THSD7B: variants seen among roughly 807,000 people sequenced by gnomAD.
The protein encoded by THSD7B is thrombospondin type 1 domain containing 7B, also known as thrombospondin type-1 domain-containing protein 7B.
Under a neutral mutation model 213.6 loss-of-function variants are expected in THSD7B, and 138 were observed. The observed-to-expected ratio is 0.65, with a 90% CI of 0.56 to 0.74. The LOEUF (loss-of-function observed/expected upper bound fraction) is 0.74. THSD7B is among the 30% of genes least tolerant of loss of function. The pLI, the probability that THSD7B is intolerant of heterozygous loss-of-function variation, is 0.00. For missense variants in THSD7B, 1,931 were observed against 1,991.5 expected (o/e 0.97, Z 0.58); for synonymous variants, 742 against 687.0 (o/e 1.08, Z -1.25).
intron 12 of THSD7B, among the ~76,000 whole-genome samples, chr2:137,372,217 G>A (rs1327704495): frequency 6.6e-6 from 1 of 151,224 alleles, no homozygotes; most frequent in Non-Finnish European, 1.5e-5. Context: ...TCTGGAAGCT[G>A]AGTTAGGGAA....
intron 2 of THSD7B, among the ~76,000 whole-genome samples, chr2:136,995,727 C>G (rs1024239299): frequency 1.3e-5 from 2 of 152,114 alleles, no homozygotes; most frequent in African/African-American, 4.8e-5. Context: ...CTCACCCAGA[C>G]CTCACCTAAC....
At chr2:137,137,418 T>C (rs1679487473) in intron 5 of THSD7B, among the ~76,000 whole-genome samples, 1 of 152,206 alleles carries the variant, frequency 6.6e-6, no homozygotes, top group African/African-American at 2.4e-5. Flanking sequence ...CATGTTTCGG[T>C]CAATGACAAA....
intron 12 of THSD7B, among the ~76,000 whole-genome samples, chr2:137,277,352 A>G (rs1682898898): frequency 6.6e-6 from 1 of 152,100 alleles, no homozygotes; most frequent in Admixed American, 6.6e-5. Context: ...ATAGTCCTTT[A>G]GATTAGGCAA....
chr2:136,999,751 C>CA (rs199759825), intron 2 of THSD7B, among the ~76,000 whole-genome samples: 35 of 152,066 alleles, frequency 2.3e-4, no homozygotes, highest in African/African-American at 8.2e-4. Context: ...ATTGCACCCC[C>CA]CTTAATGTCT....
At chr2:137,331,169 C>T (rs937113023) in intron 12 of THSD7B, among the ~76,000 whole-genome samples, 1 of 139,282 alleles carries the variant, frequency 7.2e-6, no homozygotes, top group African/African-American at 3.3e-5. Flanking sequence ...AAGGCCCCAC[C>T]AGAGCAGCTA....
intron 12 of THSD7B, among the ~76,000 whole-genome samples, chr2:137,368,394 C>T (rs1252118621): frequency 2.6e-5 from 4 of 151,702 alleles, no homozygotes; most frequent in Admixed American, 2.6e-4. Context: ...TTATCTTAGG[C>T]ATTTTTTTCA....
chr2:136,917,182 T>C (rs1433118324), intron 2 of THSD7B, among the ~76,000 whole-genome samples: 1 of 152,172 alleles, frequency 6.6e-6, no homozygotes, highest in African/African-American at 2.4e-5. Context: ...TAAGTTATCC[T>C]CCCCGCATCC....
chr2:137,286,781 A>G (rs188698862), intron 12 of THSD7B, among the ~76,000 whole-genome samples: 207 of 152,274 alleles, frequency 1.4e-3, no homozygotes, highest in African/African-American at 4.5e-3. Flanking sequence ...GACAAAAATG[A>G]GCTACCTTAT....
At position 136,860,016 on chromosome 2, in the gene THSD7B, ATTTTT is replaced by A. The variant is rs3084113; in HGVS notation, c.-35-22113_-35-22109del. Among the ~76,000 whole-genome samples, 17 of 120,478 alleles carry A rather than the reference ATTTTT, an allele frequency of 1.4e-4. No homozygotes were observed. In the East Asian group the frequency reaches 4.5e-3, roughly 32 times the overall value. The allele number at this position is 120,478 out of a possible 152,430, so 79.0% of individuals were successfully genotyped here. ...AGTAGATTCGAGAAAACAATTCATG[ATTTTT>A]TTTTTTTTTTTTTTGAGATGGAGTC... On this transcript the variant is annotated intron_variant, in intron 1 of 27. Coordinates refer to ENST00000409968, the MANE Select transcript of THSD7B (RefSeq NM_001316349.2).
At chr2:137,151,321 T>C (rs1679814630) in intron 5 of THSD7B, among the ~76,000 whole-genome samples, 1 of 152,302 alleles carries the variant, frequency 6.6e-6, no homozygotes, top group Non-Finnish European at 1.5e-5. Context: ...TTTTTATTTT[T>C]TGTTTTATAC....
intron 14 of THSD7B, among the ~76,000 whole-genome samples, chr2:137,425,543 G>T: frequency 6.6e-6 from 1 of 152,180 alleles, no homozygotes; most frequent in East Asian, 1.9e-4. Flanking sequence ...ATATATGGAA[G>T]GATATATGTA....
chr2:137,082,546 A>G (rs1366369044), intron 3 of THSD7B, among the ~76,000 whole-genome samples: 1 of 152,138 alleles, frequency 6.6e-6, no homozygotes, highest in Non-Finnish European at 1.5e-5. Context: ...TTAACTTTAA[A>G]CATAATTTCG....
At chr2:136,794,441 T>A (rs941771773) in intron 1 of THSD7B, among the ~76,000 whole-genome samples, 4 of 151,880 alleles carry the variant, frequency 2.6e-5, no homozygotes, top group Non-Finnish European at 5.9e-5. Context: ...TAATTTCATT[T>A]TTTTTCCTAT....
intron 15 of THSD7B, among the ~76,000 whole-genome samples, chr2:137,518,126 G>A (rs1573679996): frequency 1.3e-5 from 2 of 152,142 alleles, no homozygotes; most frequent in Non-Finnish European, 2.9e-5. Context: ...AGTTACATGA[G>A]GAAGTGGCTG....
At chr2:137,582,920 C>A (rs1033927352) in intron 17 of THSD7B, among the ~76,000 whole-genome samples, 2 of 152,338 alleles carry the variant, frequency 1.3e-5, no homozygotes. Flanking sequence ...ACCACACTCT[C>A]TTCCATAATG....
chr2:137,496,022 G>GGTCTT (rs1679554390), intron 15 of THSD7B, among the ~76,000 whole-genome samples: 1 of 151,890 alleles, frequency 6.6e-6, no homozygotes, highest in Non-Finnish European at 1.5e-5. Flanking sequence ...AATTATTGGG[G>GGTCTT]TATCTGTTTT....
At chr2:137,669,950 T>C (rs1393473490) in intron 27 of THSD7B, among the ~76,000 whole-genome samples, 3 of 152,204 alleles carry the variant, frequency 2.0e-5, no homozygotes, top group Non-Finnish European at 2.9e-5. Context: ...AGGTACATCA[T>C]TGAATTCTGT....
At chr2:137,443,031 G>T (rs1056660603) in intron 14 of THSD7B, among the ~76,000 whole-genome samples, 1 of 152,122 alleles carries the variant, frequency 6.6e-6, no homozygotes, top group African/African-American at 2.4e-5. Flanking sequence ...GCACTTATTT[G>T]CAGTAATGGG....
chr2:137,137,054 A>C (rs2104959948), intron 5 of THSD7B, among the ~76,000 whole-genome samples: 1 of 152,298 alleles, frequency 6.6e-6, no homozygotes, highest in South Asian at 2.1e-4. Flanking sequence ...ATGTGCTGTC[A>C]GTAGAAGTTT....
Sources: allele counts gnomAD v4.1 joint callset (sites outside exome capture counted in the v4.1 genomes callset), GRCh38; gene constraint gnomAD v4.1.1; transcripts MANE v1.5; gene names NCBI Gene and HGNC (gene_info 2026-07-23, HGNC 2026-07-21).